NPC1: variants seen among roughly 807,000 people sequenced by gnomAD.
The protein encoded by NPC1 is Niemann-Pick C1 protein.
NPC1 carries 85 observed loss-of-function variants against 140.4 expected under a neutral mutation model. The observed-to-expected ratio is 0.61, with a 90% confidence interval of 0.51 to 0.72. The LOEUF is 0.72. Ranked by LOEUF, NPC1 falls within the 30% of genes least tolerant of loss-of-function variation. The probability of loss-of-function intolerance (pLI) is 0.00; values close to 1 mark genes in which losing one functional copy is unlikely to be tolerated. For missense variants in NPC1, 1,504 were observed against 1,623.8 expected, an observed-to-expected ratio of 0.93 and a Z score of 1.27; for synonymous variants, 656 against 624.8, an observed-to-expected ratio of 1.05 and a Z score of -0.74.
chr18:23,527,079 C>A (rs2058319423), downstream of NPC1, among the ~76,000 whole-genome samples: 2 of 152,080 alleles, frequency 1.3e-5, no homozygotes, highest in Admixed American at 6.5e-5. Flanking sequence ...GCATATGTGT[C>A]TTCTTTAAGA....
Position 23,541,422 on chromosome 18 carries a change from C to T in NPC1, c.2257G>A (p.Val753Met), listed in dbSNP as rs146874573. The change falls in exon 15 of 25, where the codon GTG becomes ATG. Residue 753 changes from valine to methionine, a missense_variant. Physicochemically the swap from Val to Met is conservative, Grantham distance 21. Coordinates refer to ENST00000269228, the MANE Select transcript of NPC1 (RefSeq NM_000271.5). ...TVAFFLGALS[V>M]MPAVHTFSLF... is the part of the protein sequence containing the mutation. The stretch of plus-strand genomic sequence containing the variant: ...GAGAAGGTGTGCACGGCTGGCATCA[C>T]GGACAATGCTCCTGTCGGGGAGAGA... 2.1e-4 allele frequency: 339 copies of T among 1,614,112 alleles called. No individual in the cohort carries two copies. Among genetic ancestry groups the T allele is most frequent in the Middle Eastern group, 4.9e-4 (3 of 6,084 alleles).
rs752690577 is a variant in NPC1, at chr18:23,516,397, C to A, written c.432-9755G>T. ...CTAAGTCAACTAAACCCAGCCTTTC[C>A]GAAAGAGACATCGCAATGGCTACCA... On this transcript the variant is annotated intron_variant, in intron 3 of 3. Transcript: ENST00000591107. 5 of 1,614,182 alleles carry A rather than the reference C, an allele frequency of 3.1e-6. No individual in the cohort carries two copies. The South Asian group carries it at 5.5e-5, about 18-fold the overall frequency.
chr18:23,586,356 C>A lies in NPC1; in HGVS notation c.-13G>T. 6.5e-7 allele frequency: 1 copy of A among 1,532,402 alleles called. No homozygotes were observed. Among genetic ancestry groups the A allele is most frequent in the African/African-American group, 1.4e-5 (1 of 72,700 alleles). 94.9% of individuals were successfully genotyped at this position (1,532,402 alleles called of 1,614,324 possible). A position where few individuals can be genotyped will look rare whatever the true frequency, so the allele number is the denominator to read the frequency against. On this transcript the variant is annotated 5_prime_UTR_variant, in exon 1 of 25. Coordinates refer to ENST00000269228, the MANE Select transcript of NPC1 (RefSeq NM_000271.5). The stretch of plus-strand genomic sequence containing the variant: ...CGCGAGCGGTCATGCTGTGGCCGCG[C>A]AAGGCTGCTGACGCCGGCGGCGTTC...
At chr18:23,532,346 T>C in intron 24 of NPC1, 62 bp from the exon 25 acceptor site, 2 of 1,585,746 alleles carry the variant, frequency 1.3e-6, no homozygotes, top group Non-Finnish European at 8.7e-7. Flanking sequence ...TGGCTGGGCA[T>C]AGTGGCTCAC....
chr18:23,574,724 G>C (rs372932362), intron 1 of NPC1, among the ~76,000 whole-genome samples: 7 of 152,112 alleles, frequency 4.6e-5, no homozygotes, highest in African/African-American at 1.7e-4. Context: ...AACTCCTCTT[G>C]ACTCTTTGAA....
At chr18:23,582,297 G>C (rs1311156306) in intron 1 of NPC1, among the ~76,000 whole-genome samples, 1 of 152,194 alleles carries the variant, frequency 6.6e-6, no homozygotes, top group Non-Finnish European at 1.5e-5. Flanking sequence ...ACCTGCACCA[G>C]AGAGAGTTGG....
intron 18 of NPC1, 101 bp from the exon 19 acceptor site, chr18:23,539,571 C>CCTAT: frequency 1.1e-6 from 1 of 876,612 alleles, no homozygotes. Flanking sequence ...ACGTTTTATA[C>CCTAT]TGCTAACAGT....
rs370181667 is a variant in NPC1 at position 23,556,547 on chromosome 18, C to G, written c.1022G>C (p.Arg341Pro). 6.2e-7 allele frequency: 1 copy of G among 1,614,098 alleles called. No individual in the cohort carries two copies. Among genetic ancestry groups the G allele is most frequent in the South Asian group, 1.1e-5 (1 of 91,074 alleles). Residue 341 changes from arginine (R) to proline (P), a missense_variant, in exon 8 of 25, where the codon CGC becomes CCC. Physicochemically the swap from Arg to Pro is moderately radical, Grantham distance 103. Transcript: ENST00000269228. ...FEGCLRRLFT[R>P]WGSFCVRNPG... ...GTTTCGGACGCAGAAAGACCCCCAG[C>G]GTGTGAACAGCCGCCTCAAGCAGCC...
At chr18:23,528,856 A>G (rs1168970087), downstream of NPC1, 1 of 202,584 alleles carries the variant, frequency 4.9e-6, no homozygotes, top group East Asian at 1.5e-4. Context: ...CCCCACAGCT[A>G]TTGCATAATC....
At chr18:23,545,281 C>T (rs559768259) in intron 11 of NPC1, 132 bp from the exon 12 acceptor site, 8 of 699,816 alleles carry the variant, frequency 1.1e-5, no homozygotes, top group Admixed American at 8.9e-5. Flanking sequence ...CTCGCTCTGT[C>T]GCCCAGGCTG....
downstream of NPC1, chr18:23,527,736 A>G: frequency 7.2e-7 from 1 of 1,384,690 alleles, no homozygotes; most frequent in Non-Finnish European, 1.0e-6. Context: ...CAACGTGTGG[A>G]AATTCTGAAG....
chr18:23,575,296 G>A (rs1222311962), intron 1 of NPC1, among the ~76,000 whole-genome samples: 4 of 152,170 alleles, frequency 2.6e-5, no homozygotes, highest in East Asian at 1.9e-4. Context: ...AAGATCATTC[G>A]TTACTTATTT....
intron 4 of NPC1, among the ~76,000 whole-genome samples, chr18:23,564,276 G>A (rs539986688): frequency 6.6e-5 from 10 of 152,242 alleles, no homozygotes; most frequent in South Asian, 4.1e-4. Flanking sequence ...GAGCCACAGC[G>A]CCCGGCCAAG....
At position 23,586,315 on chromosome 18, in the gene NPC1, A is replaced by C; in HGVS notation, c.29T>G (p.Leu10Arg). The C allele has an allele frequency of 1.3e-6, 2 of 1,534,074 alleles. No individual in the cohort carries two copies. Among genetic ancestry groups the C allele is most frequent in the Non-Finnish European group, 1.7e-6 (2 of 1,146,280 alleles). The change falls in exon 1 of 25, where the codon CTC becomes CGC. Residue 10 changes from leucine (L) to arginine (R), a missense_variant. Coordinates refer to ENST00000269228, the MANE Select transcript of NPC1 (RefSeq NM_000271.5). MTARGLALGLLLLLLCPAQV... is the reference protein window; with the variant it reads MTARGLALGRLLLLLCPAQV... ...CGCTGGACACAGTAGCAGCAGGAGGAGGCCAAGGGCCAGGCCGCGAGCGGT... is the reference window on the plus strand; with the variant it reads ...CGCTGGACACAGTAGCAGCAGGAGGCGGCCAAGGGCCAGGCCGCGAGCGGT...
chr18:23,553,387 G>A (rs1453463733), intron 9 of NPC1, among the ~76,000 whole-genome samples: 1 of 152,164 alleles, frequency 6.6e-6, no homozygotes, highest in Non-Finnish European at 1.5e-5. Flanking sequence ...TTAGGGTATG[G>A]AGCATAAGCT....
At chr18:23,550,475 A>ATTTTTTTTTTTTTTTTT (rs1491268509) in intron 10 of NPC1, among the ~76,000 whole-genome samples, 5 of 53,500 alleles carry the variant, frequency 9.3e-5, no homozygotes, top group African/African-American at 3.9e-4. Context: ...CAGTTCTTAC[A>ATTTTTTTTTTTTTTTTT]TTTCTTTTTT....
At chr18:23,525,039 C>T (rs374991986), downstream of NPC1, among the ~76,000 whole-genome samples, 17 of 149,812 alleles carry the variant, frequency 1.1e-4, no homozygotes, top group East Asian at 2.0e-3. Context: ...CTCCGCCTCC[C>T]GGGTTCAAGC....
chr18:23,564,670 T>G (rs1277158843), intron 4 of NPC1, among the ~76,000 whole-genome samples: 3 of 152,226 alleles, frequency 2.0e-5, no homozygotes, highest in Admixed American at 6.5e-5. Context: ...ACTTTTTTAT[T>G]TTAATGAAGT....
chr18:23,512,485 A>G (rs577195315), intron 3 of NPC1, among the ~76,000 whole-genome samples: 27 of 152,266 alleles, frequency 1.8e-4, no homozygotes, highest in African/African-American at 6.0e-4. Flanking sequence ...CAGTGGCACA[A>G]TCACGGCTCA....
Sources: allele counts gnomAD v4.1 joint callset (sites outside exome capture counted in the v4.1 genomes callset), GRCh38; gene constraint gnomAD v4.1.1; transcripts MANE v1.5; gene names NCBI Gene and HGNC (gene_info 2026-07-23, HGNC 2026-07-21).